The following CNTN5 variants were observed in gnomAD, a reference collection of about 807,000 sequenced individuals.
CNTN5 encodes contactin 5.
In CNTN5, 77 loss-of-function variants were observed where a neutral mutation model predicts 129.1. The observed-to-expected ratio is 0.60, with a 90% CI of 0.50 to 0.72. The LOEUF (loss-of-function observed/expected upper bound fraction) is 0.72. CNTN5 is among the 30% of genes least tolerant of loss of function. The pLI, the probability that CNTN5 is intolerant of heterozygous loss-of-function variation, is 0.00. For missense variants in CNTN5, 1,478 were observed against 1,328.8 expected (o/e 1.11, Z -1.75); for synonymous variants, 509 against 465.6 (o/e 1.09, Z -1.20).
chr11:99,670,317 A>C (rs1952980388), intron 3 of CNTN5, among the ~76,000 whole-genome samples: 2 of 152,290 alleles, frequency 1.3e-5, no homozygotes, highest in South Asian at 4.1e-4. Flanking sequence ...ATTTAAAGAA[A>C]TCCCCATTGA....
At chr11:99,634,166 G>C (rs636893) in intron 3 of CNTN5, among the ~76,000 whole-genome samples, 91,676 of 152,000 alleles carry the variant, frequency 0.6, 28,482 homozygotes, top group Admixed American at 0.69. Flanking sequence ...TTGCATGGTT[G>C]AAGAAAAAGT....
chr11:100,176,636 C>T (rs190665094), intron 13 of CNTN5, among the ~76,000 whole-genome samples: 1 of 152,122 alleles, frequency 6.6e-6, no homozygotes, highest in Admixed American at 6.5e-5. Flanking sequence ...AGTTAGGAAT[C>T]TGACCACTGA....
chr11:99,753,994 A>G (rs1449007725), intron 3 of CNTN5, among the ~76,000 whole-genome samples: 3 of 147,812 alleles, frequency 2.0e-5, no homozygotes, highest in Admixed American at 6.9e-5. Flanking sequence ...TGCCAAAAAA[A>G]AAAAATAAAT....
intron 3 of CNTN5, among the ~76,000 whole-genome samples, chr11:99,791,668 T>A (rs1945747714): frequency 6.6e-6 from 1 of 152,238 alleles, no homozygotes; most frequent in Non-Finnish European, 1.5e-5. Context: ...AATTGAAAGT[T>A]TGATACAGAC....
At chr11:99,598,237 T>G (rs1211960519) in intron 3 of CNTN5, among the ~76,000 whole-genome samples, 1 of 79,598 alleles carries the variant, frequency 1.3e-5, no homozygotes. Context: ...CTCCCTTCTT[T>G]CCTTCCTTTT....
intron 2 of CNTN5, among the ~76,000 whole-genome samples, chr11:99,382,854 T>TTTTC (rs1940674298): frequency 1.1e-5 from 1 of 88,476 alleles, no homozygotes; most frequent in South Asian, 4.1e-4. Context: ...ACTTTTTTTT[T>TTTTC]TTTTTTTTTT....
chr11:99,872,152 T>G (rs1591343966), intron 6 of CNTN5, among the ~76,000 whole-genome samples: 1 of 152,062 alleles, frequency 6.6e-6, no homozygotes, highest in Non-Finnish European at 1.5e-5. Flanking sequence ...CAAAACATTT[T>G]GTTGTATCCA....
chr11:100,237,188 CAAA>C (rs397977189), intron 16 of CNTN5, among the ~76,000 whole-genome samples: 3 of 71,104 alleles, frequency 4.2e-5, no homozygotes, highest in Non-Finnish European at 8.6e-5. Context: ...GACTCCGTCT[CAAA>C]AAAAAAAAAA....
intron 1 of CNTN5, among the ~76,000 whole-genome samples, chr11:99,125,522 C>G (rs1195758038): frequency 6.6e-6 from 1 of 152,088 alleles, no homozygotes; most frequent in African/African-American, 2.4e-5. Context: ...AAGCTGGAAG[C>G]ATTTCCCTGA....
chr11:100,339,487 G>A (rs949426349), intron 21 of CNTN5, among the ~76,000 whole-genome samples: 1 of 152,092 alleles, frequency 6.6e-6, no homozygotes, highest in Non-Finnish European at 1.5e-5. Flanking sequence ...AGGACGGTGG[G>A]GGTGGGCCAT....
At chr11:100,318,950 A>G (rs7111786) in intron 21 of CNTN5, among the ~76,000 whole-genome samples, 27,812 of 152,126 alleles carry the variant, frequency 0.18, 3,790 homozygotes, top group East Asian at 0.38. Context: ...TTAAATCTGC[A>G]TACAGACAAG....
intron 3 of CNTN5, among the ~76,000 whole-genome samples, chr11:99,710,668 G>A (rs751900945): frequency 2.3e-4 from 35 of 149,432 alleles, no homozygotes; most frequent in Non-Finnish European, 4.3e-4. Context: ...TTTTAGATAC[G>A]CAATCTCACA....
At chr11:99,665,978 T>G (rs994534700) in intron 3 of CNTN5, among the ~76,000 whole-genome samples, 1 of 152,040 alleles carries the variant, frequency 6.6e-6, no homozygotes, top group African/African-American at 2.4e-5. Context: ...TTTTTGTTTT[T>G]TTGAGACAGA....
chr11:100,022,602 A>G (rs1279464067), intron 9 of CNTN5, among the ~76,000 whole-genome samples: 1 of 152,196 alleles, frequency 6.6e-6, no homozygotes, highest in African/African-American at 2.4e-5. Flanking sequence ...ATATTTGTCC[A>G]TGTAGTTACC....
At chr11:99,762,063 C>A (rs1944599883) in intron 3 of CNTN5, among the ~76,000 whole-genome samples, 1 of 102,812 alleles carries the variant, frequency 9.7e-6, no homozygotes, top group Non-Finnish European at 2.2e-5. Context: ...TAAATGTCTT[C>A]TTTTGAGAAG....
intron 2 of CNTN5, among the ~76,000 whole-genome samples, chr11:99,328,760 C>T (rs1288546270): frequency 6.6e-6 from 1 of 150,802 alleles, no homozygotes; most frequent in Non-Finnish European, 1.5e-5. Context: ...ATCCCAGCTA[C>T]TCAGGAGGCT....
At chr11:100,083,578 A>G (rs752285222) in intron 13 of CNTN5, among the ~76,000 whole-genome samples, 2 of 152,170 alleles carry the variant, frequency 1.3e-5, no homozygotes, top group Non-Finnish European at 2.9e-5. Context: ...AAGAGAATTA[A>G]TAACCCAAAA....
At chr11:99,671,065 G>T (rs975589379) in intron 3 of CNTN5, among the ~76,000 whole-genome samples, 1 of 151,290 alleles carries the variant, frequency 6.6e-6, no homozygotes, top group African/African-American at 2.4e-5. Flanking sequence ...GCGCTTGCAC[G>T]TGCTCTCTCT....
chr11:99,720,858 AGGCAAACCAAAG>A (rs1329290746), intron 3 of CNTN5, among the ~76,000 whole-genome samples: 1 of 152,164 alleles, frequency 6.6e-6, no homozygotes, highest in African/African-American at 2.4e-5. Context: ...CAAAACCAAA[AGGCAAACCAAAG>A]GGCATATCAG....
Sources: gnomAD v4.1 joint callset for allele counts (sites outside exome capture counted in the v4.1 genomes callset) on GRCh38, gnomAD v4.1.1 for gene constraint, MANE v1.5 for transcripts, NCBI Gene and HGNC (gene_info 2026-07-23, HGNC 2026-07-21) for gene names.